The following PFKFB3 variants were observed in gnomAD, a reference collection of about 807,000 sequenced individuals.
The protein encoded by PFKFB3 is 6-phosphofructo-2-kinase/fructose-2,6-bisphosphatase 3.
A neutral mutation model predicts 68.0 loss-of-function variants in PFKFB3; 33 were observed. The ratio of observed to expected loss-of-function variants is 0.49; its 90% confidence interval spans 0.37 to 0.65. The LOEUF (loss-of-function observed/expected upper bound fraction) is 0.65. Ranked by LOEUF, PFKFB3 falls within the 30% of genes least tolerant of loss-of-function variation. The pLI, the probability that PFKFB3 is intolerant of heterozygous loss-of-function variation, is 0.00. For missense variants in PFKFB3, 586 were observed against 712.2 expected (o/e 0.82, Z 2.02); for synonymous variants, 315 against 288.2 (o/e 1.09, Z -0.94).
chr10:6,159,584 C>T (rs1346986604), intron 1 of PFKFB3, among the ~76,000 whole-genome samples: 1 of 148,446 alleles, frequency 6.7e-6, no homozygotes, highest in Non-Finnish European at 1.5e-5. Flanking sequence ...CCCAGTTACC[C>T]GGGAGGCTGA....
intron 1 of PFKFB3, among the ~76,000 whole-genome samples, chr10:6,156,655 T>C (rs1049115606): frequency 1.7e-4 from 25 of 148,024 alleles, no homozygotes; most frequent in Non-Finnish European, 3.3e-4. Context: ...GCCCGGCTAA[T>C]TTTTGTATTT....
At chr10:6,174,315 G>T (rs1413215298) in intron 1 of PFKFB3, among the ~76,000 whole-genome samples, 1 of 152,168 alleles carries the variant, frequency 6.6e-6, no homozygotes, top group African/African-American at 2.4e-5. Flanking sequence ...CAGCCTTACA[G>T]CCTAGTTTAT....
intron 14 of PFKFB3, among the ~76,000 whole-genome samples, chr10:6,249,857 A>G (rs971466606): frequency 1.3e-5 from 2 of 152,214 alleles, no homozygotes; most frequent in Non-Finnish European, 2.9e-5. Context: ...CAAAAATGAT[A>G]AGTATTTGAG....
chr10:6,170,715 G>A (rs570223103), intron 1 of PFKFB3, among the ~76,000 whole-genome samples: 1 of 151,894 alleles, frequency 6.6e-6, no homozygotes, highest in East Asian at 1.9e-4. Context: ...GTATGGAGGT[G>A]GAGACAATGT....
chr10:6,232,919 G>T lies in PFKFB3; in HGVS notation c.1540G>T (p.Ala514Ser), dbSNP rs1302257709. Reference sequence around the variant, plus strand: ...GAACATGAAAGGCTCCCGGAGCAGCGCTGACTCCTCCAGGAAACACTGAGG... The same window carrying T: ...GAACATGAAAGGCTCCCGGAGCAGCTCTGACTCCTCCAGGAAACACTGAGG... ...GQNMKGSRSSADSSRKH is the reference protein window; with the variant it reads ...GQNMKGSRSSSDSSRKH The change falls in exon 15 of 15, where the codon GCT becomes TCT. Residue 514 changes from alanine to serine, a missense_variant. Physicochemically the swap from Ala to Ser is moderately conservative, Grantham distance 99 (BLOSUM62 1). Transcript: ENST00000379775. 5.0e-6 allele frequency: 8 copies of T among 1,612,948 alleles called. No homozygotes were observed. Among genetic ancestry groups the T allele is most frequent in the Non-Finnish European group, 5.1e-6 (6 of 1,179,314 alleles).
intron 1 of PFKFB3, among the ~76,000 whole-genome samples, chr10:6,192,878 G>A (rs1843072083): frequency 6.6e-6 from 1 of 152,192 alleles, no homozygotes; most frequent in South Asian, 2.1e-4. Flanking sequence ...TTTTCCAAAA[G>A]TGCTTTTGCT....
At chr10:6,237,955 G>C (rs892100801), downstream of PFKFB3, among the ~76,000 whole-genome samples, 1 of 144,014 alleles carries the variant, frequency 6.9e-6, no homozygotes, top group Non-Finnish European at 1.5e-5. Flanking sequence ...TGTGTGAGCC[G>C]GTCTTTCCAG....
At chr10:6,279,042 C>T in the PFKFB3 span, among the ~76,000 whole-genome samples, 29 of 152,368 alleles carry the variant, frequency 1.9e-4, no homozygotes, top group Non-Finnish European at 3.8e-4. Flanking sequence ...GTCTGCCACA[C>T]AGCAATTGCT....
At chr10:6,262,601 G>A in the PFKFB3 span, among the ~76,000 whole-genome samples, 2 of 151,980 alleles carry the variant, frequency 1.3e-5, no homozygotes, top group South Asian at 4.1e-4. Context: ...ATTTGTGTGT[G>A]TTATTGTATC....
intron 14 of PFKFB3, chr10:6,231,358 G>A (rs1209361683): frequency 2.2e-5 from 36 of 1,611,058 alleles, no homozygotes; most frequent in African/African-American, 1.5e-4. Context: ...ACCGCGTCAC[G>A]GCATCTGGGT....
downstream of PFKFB3, among the ~76,000 whole-genome samples, chr10:6,257,043 A>T (rs1302193802): frequency 4.6e-5 from 7 of 151,954 alleles, no homozygotes; most frequent in Non-Finnish European, 7.4e-5. Context: ...CATATTTAAA[A>T]TTTTTTTTTC....
intron 1 of PFKFB3, among the ~76,000 whole-genome samples, chr10:6,169,575 A>G (rs1788592536): frequency 1.3e-5 from 2 of 152,106 alleles, no homozygotes; most frequent in African/African-American, 4.8e-5. Flanking sequence ...TAAGATGGGT[A>G]TGAACTTGCT....
chr10:6,175,951 C>T (rs1468566634), intron 1 of PFKFB3, among the ~76,000 whole-genome samples: 1 of 152,234 alleles, frequency 6.6e-6, no homozygotes, highest in Non-Finnish European at 1.5e-5. Context: ...CAAGCATCTG[C>T]ACACAGAAGG....
At chr10:6,312,096 C>T in the PFKFB3 span, among the ~76,000 whole-genome samples, 1 of 152,144 alleles carries the variant, frequency 6.6e-6, no homozygotes, top group African/African-American at 2.4e-5. Context: ...GGGGGTTGAT[C>T]TCAGGGGTGG....
the PFKFB3 span, among the ~76,000 whole-genome samples, chr10:6,304,861 T>C: frequency 6.8e-6 from 1 of 146,782 alleles, no homozygotes; most frequent in Non-Finnish European, 1.5e-5. Flanking sequence ...TTTTTTTTTT[T>C]AGTAGAGATG....
intron 1 of PFKFB3, among the ~76,000 whole-genome samples, chr10:6,188,387 T>G (rs1272489333): frequency 6.6e-6 from 1 of 151,560 alleles, no homozygotes; most frequent in Non-Finnish European, 1.5e-5. Flanking sequence ...GCCTTTCATC[T>G]AGTGTGTCCT....
At position 6,248,751 on chromosome 10, in the gene PFKFB3, C is replaced by T. The variant is rs973630558; in HGVS notation, c.1516-5427C>T. On this transcript the variant is annotated intron_variant, in intron 14 of 14. Coordinates refer to the PFKFB3 transcript ENST00000640683. ...ATATTACTAATGTTGATTAATGCGT[C>T]ATTAATGCATTCATGTGGATTAGGA... 3.3e-5 allele frequency among the ~76,000 whole-genome samples: 5 copies of T among 151,652 alleles called. No homozygotes were observed. In the East Asian group the frequency reaches 9.7e-4, roughly 29 times the overall value.
downstream of PFKFB3, among the ~76,000 whole-genome samples, chr10:6,258,041 G>C (rs998279753): frequency 6.6e-6 from 1 of 152,168 alleles, no homozygotes; most frequent in Non-Finnish European, 1.5e-5. Flanking sequence ...GAAAGGGACC[G>C]GCGGGTAGAA....
chr10:6,192,139 TAC>T (rs60638987), intron 1 of PFKFB3, among the ~76,000 whole-genome samples: 8,646 of 118,956 alleles, frequency 0.073, 281 homozygotes, highest in South Asian at 0.083. Flanking sequence ...CATTCCCCAA[TAC>T]ACACACACAC....
Sources: allele counts gnomAD v4.1 joint callset (sites outside exome capture counted in the v4.1 genomes callset), GRCh38; gene constraint gnomAD v4.1.1; transcripts MANE v1.5; gene names NCBI Gene and HGNC (gene_info 2026-07-23, HGNC 2026-07-21).